KCNH1: variants seen among roughly 807,000 people sequenced by gnomAD.
The protein encoded by KCNH1 is potassium voltage-gated channel subfamily H member 1, also known as voltage-gated delayed rectifier potassium channel KCNH1.
KCNH1 carries 27 observed loss-of-function variants against 69.2 expected under a neutral mutation model. That is an observed-to-expected ratio of 0.39 (90% CI 0.29 to 0.54). The LOEUF is 0.54. KCNH1 is among the 20% of genes least tolerant of loss of function. KCNH1 has a pLI of 0.68. For synonymous variants in KCNH1, 456 were observed against 487.7 expected (o/e 0.93, Z 0.86); for missense variants, 798 against 1,261.6 (o/e 0.63, Z 5.57).
At chr1:210,811,592 G>A (rs969098364) in intron 7 of KCNH1, among the ~76,000 whole-genome samples, 2 of 152,062 alleles carry the variant, frequency 1.3e-5, no homozygotes, top group African/African-American at 2.4e-5. Context: ...GGTTACAGGG[G>A]TAATCAGATA....
chr1:210,938,275 A>G (rs901154589), intron 6 of KCNH1, among the ~76,000 whole-genome samples: 1 of 152,238 alleles, frequency 6.6e-6, no homozygotes, highest in Non-Finnish European at 1.5e-5. Context: ...TCATTTGGAT[A>G]AAAATAGGAA....
At chr1:210,891,964 A>G (rs1252932531) in intron 7 of KCNH1, among the ~76,000 whole-genome samples, 1 of 152,210 alleles carries the variant, frequency 6.6e-6, no homozygotes, top group South Asian at 2.1e-4. Flanking sequence ...ACACAAGAAC[A>G]GAAAACCAAA....
At chr1:211,094,694 G>A (rs1691114692) in intron 3 of KCNH1, among the ~76,000 whole-genome samples, 1 of 152,124 alleles carries the variant, frequency 6.6e-6, no homozygotes, top group South Asian at 2.1e-4. Context: ...GGTGCTCTAG[G>A]AATGCTAAAT....
rs1426419974 is a variant in KCNH1, at chr1:210,917,268, AAAGAAAG to A, written c.1462+2365_1462+2371del. ...GAAAGAAAGAAAGAAAGAAAGAAAGAAAGAAAGAAAGAAAAGAAAAGAAAGAGAAACA... is the reference window on the plus strand; with the variant it reads ...GAAAGAAAGAAAGAAAGAAAGAAAGAAAAGAAAAGAAAAGAAAGAGAAACA... On this transcript the variant is annotated intron_variant, in intron 7 of 10. Coordinates refer to ENST00000271751, the MANE Select transcript of KCNH1 (RefSeq NM_172362.3). Among the ~76,000 whole-genome samples, 107 of 150,156 alleles carry A rather than the reference AAAGAAAG, an allele frequency of 7.1e-4. 1 individual carries two copies. The highest frequency in any genetic ancestry group is 2.5e-3 in the African/African-American group (102 of 40,008).
chr1:210,920,146 A>T, intron 6 of KCNH1, 77 bp from the exon 7 acceptor site: 1 of 1,311,272 alleles, frequency 7.6e-7, no homozygotes, highest in Non-Finnish European at 1.1e-6. Context: ...CACTTGGGCC[A>T]TTATTTTAAG....
intron 6 of KCNH1, among the ~76,000 whole-genome samples, chr1:210,940,981 G>C (rs1264296846): frequency 6.6e-6 from 1 of 152,168 alleles, no homozygotes; most frequent in East Asian, 1.9e-4. Context: ...GGGTCTGGTG[G>C]GGGTGAAAAC....
At chr1:210,860,118 G>T (rs1185565032) in intron 7 of KCNH1, 7 of 1,170,426 alleles carry the variant, frequency 6.0e-6, no homozygotes, top group Non-Finnish European at 9.0e-6. Flanking sequence ...AATCTTTTGT[G>T]CACATACTGT....
chr1:210,871,800 G>C (rs1686254634), intron 7 of KCNH1, among the ~76,000 whole-genome samples: 1 of 148,530 alleles, frequency 6.7e-6, no homozygotes, highest in Admixed American at 6.8e-5. Flanking sequence ...ACTATCGCAA[G>C]AACAAAAAAC....
At chr1:210,690,703 A>T (rs1049560847) in intron 10 of KCNH1, among the ~76,000 whole-genome samples, 2 of 152,210 alleles carry the variant, frequency 1.3e-5, no homozygotes, top group African/African-American at 4.8e-5. Flanking sequence ...TCTCCTCGGT[A>T]TCATGATGAA....
At chr1:211,121,239 A>G (rs1335467825) in intron 1 of KCNH1, among the ~76,000 whole-genome samples, 1 of 152,236 alleles carries the variant, frequency 6.6e-6, no homozygotes, top group African/African-American at 2.4e-5. Context: ...CTAAGCAAAA[A>G]GAACAAAACT....
intron 7 of KCNH1, among the ~76,000 whole-genome samples, chr1:210,908,559 G>C (rs1687162294): frequency 6.6e-6 from 1 of 152,112 alleles, no homozygotes; most frequent in African/African-American, 2.4e-5. Context: ...CGATCACTTT[G>C]TGTTTTCACT....
intron 7 of KCNH1, among the ~76,000 whole-genome samples, chr1:210,871,406 C>G (rs1686241724): frequency 1.3e-5 from 2 of 152,120 alleles, no homozygotes; most frequent in Admixed American, 1.3e-4. Context: ...GAAACAACAA[C>G]TGCTGGAGAG....
intron 7 of KCNH1, among the ~76,000 whole-genome samples, chr1:210,807,006 CAA>C (rs138837046): frequency 1.6e-5 from 2 of 123,774 alleles, no homozygotes; most frequent in Admixed American, 8.3e-5. Flanking sequence ...GACTCCATCT[CAA>C]AAAAAAAAAA....
At chr1:211,090,778 A>C in intron 3 of KCNH1, 88 bp from the exon 4 acceptor site, 1 of 1,166,050 alleles carries the variant, frequency 8.6e-7, no homozygotes, top group Non-Finnish European at 1.2e-6. Context: ...AATAGGTACA[A>C]ATATTAATTC....
At chr1:210,744,578 A>G (rs1683105915) in intron 10 of KCNH1, among the ~76,000 whole-genome samples, 2 of 152,120 alleles carry the variant, frequency 1.3e-5, no homozygotes, top group Admixed American at 1.3e-4. Flanking sequence ...CGGGAGGCGG[A>G]GGTTGCAGTG....
intron 6 of KCNH1, among the ~76,000 whole-genome samples, chr1:210,964,674 C>A (rs986543592): frequency 6.6e-6 from 1 of 152,064 alleles, no homozygotes; most frequent in Non-Finnish European, 1.5e-5. Flanking sequence ...ACCAGAGATA[C>A]AAGAGGAGCT....
chr1:210,688,557 A>C (rs1681457251), intron 10 of KCNH1, among the ~76,000 whole-genome samples: 2 of 152,238 alleles, frequency 1.3e-5, no homozygotes, highest in Non-Finnish European at 1.5e-5. Context: ...TATGCACCAC[A>C]CATAGGCTCC....
intron 9 of KCNH1, among the ~76,000 whole-genome samples, chr1:210,784,363 A>G (rs1160883711): frequency 1.3e-5 from 2 of 152,242 alleles, no homozygotes; most frequent in Non-Finnish European, 2.9e-5. Context: ...TATCTGCTAC[A>G]GTTTACAGAT....
chr1:211,019,042 T>A lies in KCNH1; in HGVS notation c.773A>T (p.Asp258Val). Residue 258 changes from aspartate to valine, a missense_variant, in exon 6 of 11, where the codon GAT becomes GTT. Transcript: ENST00000271751. ...VAWLVVDSIV[D>V]VIFLVDIVLN... ...CACAATGTCCACCAAAAAGATAACA[T>A]CCACGATGCTATCAACAACCAGCCA... is the stretch of plus-strand genomic sequence containing the variant. 1 of 1,613,956 alleles carries A rather than the reference T, an allele frequency of 6.2e-7. No individual in the cohort carries two copies. The highest frequency in any genetic ancestry group is 8.5e-7 in the Non-Finnish European group (1 of 1,179,958).
Sources: gnomAD v4.1 joint callset for allele counts (sites outside exome capture counted in the v4.1 genomes callset) on GRCh38, gnomAD v4.1.1 for gene constraint, MANE v1.5 for transcripts, NCBI Gene and HGNC (gene_info 2026-07-23, HGNC 2026-07-21) for gene names.